The following CPXM2 variants were observed in gnomAD, a reference collection of about 807,000 sequenced individuals.
CPXM2 encodes the protein inactive carboxypeptidase-like protein X2.
Under a neutral mutation model 86.1 loss-of-function variants are expected in CPXM2, and 66 were observed. The ratio of observed to expected loss-of-function variants is 0.77; its 90% confidence interval spans 0.63 to 0.94. The LOEUF (loss-of-function observed/expected upper bound fraction) is 0.94. Among genes scored for constraint, CPXM2 ranks in the 40% least tolerant of loss-of-function variants. The pLI, the probability that CPXM2 is intolerant of heterozygous loss-of-function variation, is 0.00. For synonymous variants in CPXM2, 388 were observed against 400.2 expected (o/e 0.97, Z 0.36); for missense variants, 948 against 1,026.3 (o/e 0.92, Z 1.04).
chr10:123,925,144 G>A (rs1197094244), intron 2 of CPXM2, among the ~76,000 whole-genome samples: 1 of 151,262 alleles, frequency 6.6e-6, no homozygotes, highest in Non-Finnish European at 1.5e-5. Context: ...GGTGGGAAGG[G>A]AGGGAGAGAG....
intron 4 of CPXM2, 147 bp downstream of exon 4, chr10:123,842,202 C>T: frequency 9.4e-7 from 1 of 1,065,018 alleles, no homozygotes; most frequent in Non-Finnish European, 1.3e-6. Context: ...GACAACGAGC[C>T]CAGCCTCCTG....
rs201527972 is a variant in CPXM2, at chr10:123,881,232, TCTTCCCTTCCCTTCC to T, written c.305-938_305-924del. ...TGTTCCTTCTCCTGGAGCACCCTTC[TCTTCCCTTCCCTTCC>T]CTTCCCTTCCCTTCCCTTTACGCTC... On this transcript the variant is annotated intron_variant, in intron 1 of 13. Coordinates refer to ENST00000241305, the MANE Select transcript of CPXM2 (RefSeq NM_198148.3). Among the ~76,000 whole-genome samples the T allele has an allele frequency of 9.2e-5, 6 of 64,874 alleles. 1 individual carries two copies. The highest frequency in any genetic ancestry group is 1.9e-4 in the Non-Finnish European group (6 of 32,200). 42.6% of individuals were successfully genotyped at this position (64,874 alleles called of 152,430 possible).
intron 6 of CPXM2, among the ~76,000 whole-genome samples, chr10:123,795,934 C>T (rs1050230038): frequency 7.2e-5 from 11 of 152,242 alleles, no homozygotes; most frequent in African/African-American, 1.9e-4. Context: ...AGTTCCTACC[C>T]GCAGAGAAAA....
At chr10:123,783,520 A>G (rs753845338) in intron 6 of CPXM2, among the ~76,000 whole-genome samples, 1 of 152,214 alleles carries the variant, frequency 6.6e-6, no homozygotes, top group African/African-American at 2.4e-5. Context: ...CAGAGCTTGC[A>G]GGAGCACAGT....
chr10:123,797,892 T>G, intron 6 of CPXM2, 84 bp downstream of exon 6: 1 of 1,352,476 alleles, frequency 7.4e-7, no homozygotes, highest in Non-Finnish European at 9.7e-7. Context: ...CTGGTCTGCT[T>G]AGTTTATTTT....
chr10:123,851,762 T>C (rs566457523), intron 3 of CPXM2, among the ~76,000 whole-genome samples: 67 of 122,562 alleles, frequency 5.5e-4, no homozygotes, highest in African/African-American at 2.2e-3. Flanking sequence ...GAACGAGACA[T>C]CATCTCAAAA....
At chr10:123,863,299 G>A (rs1848897002) in intron 2 of CPXM2, among the ~76,000 whole-genome samples, 1 of 152,198 alleles carries the variant, frequency 6.6e-6, no homozygotes, top group Non-Finnish European at 1.5e-5. Flanking sequence ...CTGGGCTGCT[G>A]TTTGCCCCCA....
intron 4 of CPXM2, among the ~76,000 whole-genome samples, chr10:123,801,450 C>A (rs1204204242): frequency 6.6e-6 from 1 of 152,042 alleles, no homozygotes; most frequent in African/African-American, 2.4e-5. Context: ...TAACACATTC[C>A]CCTATATTGA....
In CPXM2 at chr10:123,798,115, T is replaced by G; in HGVS notation, c.750A>C (p.Gly250=). ...GAACAGGGATCTCCTTCTCACTGTT[T>G]CCCTCAAATATCTATTTATGCTCAT... is the stretch of plus-strand genomic sequence containing the variant. The part of the protein sequence containing the change: ...KNGSGDMIFE[G]NSEKEIPVLN... The change falls in exon 6 of 14, where the codon GGA becomes GGC. Residue 250 remains glycine, a synonymous_variant. Transcript: ENST00000241305. 1 of 1,604,684 alleles carries G rather than the reference T, an allele frequency of 6.2e-7. No individual in the cohort carries two copies. The highest frequency in any genetic ancestry group is 8.5e-7 in the Non-Finnish European group (1 of 1,175,868).
chr10:123,848,817 C>T (rs1355506382), intron 3 of CPXM2, among the ~76,000 whole-genome samples: 2 of 152,192 alleles, frequency 1.3e-5, no homozygotes, highest in African/African-American at 4.8e-5. Context: ...CATTCTACAG[C>T]TCATTATTTA....
chr10:123,783,373 G>A lies in CPXM2; in HGVS notation c.890-3118C>T, dbSNP rs140981775. 4.6e-3 allele frequency among the ~76,000 whole-genome samples: 705 copies of A among 152,310 alleles called. 7 individuals carry two copies. The highest frequency in any genetic ancestry group is 0.016 in the African/African-American group (666 of 41,556). Reference sequence around the variant, plus strand: ...GACCCCTTTCCGGTAACACTCATGTGGGGAATCTATTCCAGGTGCTTCAGA... The same window carrying A: ...GACCCCTTTCCGGTAACACTCATGTAGGGAATCTATTCCAGGTGCTTCAGA... On this transcript the variant is annotated intron_variant, in intron 6 of 13. Transcript: ENST00000241305.
At position 123,854,423 on chromosome 10, in the gene CPXM2, AAT is replaced by A. The variant is rs1289418705; in HGVS notation, c.513+8189_513+8190del. 2.4e-3 allele frequency among the ~76,000 whole-genome samples: 301 copies of A among 124,260 alleles called. 2 individuals are homozygous for A. In the East Asian group the frequency reaches 0.031, roughly 13 times the overall value. 81.5% of individuals were successfully genotyped at this position (124,260 alleles called of 152,430 possible). ...TATATATATTATATATAAAATATAT[AAT>A]ATATATATAATATACTTTTATATAT... On this transcript the variant is annotated intron_variant, in intron 3 of 13. Coordinates refer to ENST00000241305, the MANE Select transcript of CPXM2 (RefSeq NM_198148.3).
intron 2 of CPXM2, among the ~76,000 whole-genome samples, chr10:123,866,222 T>G (rs1848976387): frequency 6.6e-6 from 1 of 151,998 alleles, no homozygotes. Context: ...AGCTATGAGG[T>G]GTCACAGGCA....
chr10:123,931,441 A>G (rs1464589860), intron 2 of CPXM2: 2 of 152,216 alleles, frequency 1.3e-5, no homozygotes, highest in Non-Finnish European at 2.9e-5. Flanking sequence ...TCTAATCTCC[A>G]TCCTTTCACT....
At chr10:123,755,959 G>A (rs977079407) in intron 12 of CPXM2, among the ~76,000 whole-genome samples, 1 of 152,214 alleles carries the variant, frequency 6.6e-6, no homozygotes, top group Non-Finnish European at 1.5e-5. Context: ...CCTTGAGTGA[G>A]AGGTTCCCCA....
At chr10:123,829,374 A>ATTTTT (rs146304078) in intron 4 of CPXM2, among the ~76,000 whole-genome samples, 1 of 146,884 alleles carries the variant, frequency 6.8e-6, no homozygotes, top group Non-Finnish European at 1.5e-5. Context: ...GTGGAAAAAA[A>ATTTTT]ATTTTTTTTT....
intron 7 of CPXM2, among the ~76,000 whole-genome samples, chr10:123,773,771 G>T (rs61381018): frequency 1.8e-3 from 281 of 152,282 alleles, no homozygotes; most frequent in African/African-American, 6.6e-3. Context: ...GCAAGGAAGT[G>T]AAATAAATGC....
chr10:123,941,748 G>C (rs563374404), upstream of CPXM2, among the ~76,000 whole-genome samples: 1 of 152,338 alleles, frequency 6.6e-6, no homozygotes, highest in East Asian at 1.9e-4. Flanking sequence ...TCTGCCTTTG[G>C]GGGTGCTTTG....
intron 2 of CPXM2, among the ~76,000 whole-genome samples, chr10:123,913,238 G>A (rs1945504638): frequency 2.0e-5 from 3 of 152,224 alleles, no homozygotes; most frequent in Admixed American, 6.5e-5. Context: ...TAAGATAGGA[G>A]CAGTCAAAGC....
Sources: gnomAD v4.1 joint callset for allele counts (sites outside exome capture counted in the v4.1 genomes callset) on GRCh38, gnomAD v4.1.1 for gene constraint, MANE v1.5 for transcripts, NCBI Gene and HGNC (gene_info 2026-07-23, HGNC 2026-07-21) for gene names.